Variants in AFAP1L1 observed in about 807,000 individuals in gnomAD.
AFAP1L1 encodes actin filament associated protein 1 like 1.
A neutral mutation model predicts 99.8 loss-of-function variants in AFAP1L1; 77 were observed. That is an observed-to-expected ratio of 0.77 (90% CI 0.64 to 0.93). The LOEUF (loss-of-function observed/expected upper bound fraction) is 0.93, where lower values mean the gene tolerates loss of function less well. Among genes scored for constraint, AFAP1L1 ranks in the 40% least tolerant of loss-of-function variants. AFAP1L1 has a pLI of 0.00. For synonymous variants in AFAP1L1, 373 were observed against 395.3 expected (o/e 0.94, Z 0.67); for missense variants, 893 against 996.8 (o/e 0.90, Z 1.40).
At position 149,302,479 on chromosome 5, in the gene AFAP1L1, C is replaced by G. The variant is rs745919217; in HGVS notation, c.389C>G (p.Ala130Gly). The G allele has an allele frequency of 4.4e-6, 7 of 1,596,910 alleles. No individual in the cohort carries two copies. In the Admixed American group the frequency reaches 8.7e-5, roughly 20 times the overall value. ...KPPPEDYYEEALPLGPGKSPE... is the reference protein window; with the variant it reads ...KPPPEDYYEEGLPLGPGKSPE... Reference sequence around the variant, plus strand: ...CCCCCTGAGGACTACTATGAAGAGGCCCTTCCTCTGGGACCCGGCAAGTCG... The same window carrying G: ...CCCCCTGAGGACTACTATGAAGAGGGCCTTCCTCTGGGACCCGGCAAGTCG... The change falls in exon 5 of 19, where the codon GCC becomes GGC. Residue 130 changes from alanine (A) to glycine (G), a missense_variant. Transcript: ENST00000296721.
In AFAP1L1 at chr5:149,332,880, C is replaced by A; in HGVS notation, c.2154+7C>A. The A allele has an allele frequency of 6.4e-7, 1 of 1,562,808 alleles. No individual in the cohort carries two copies. The highest frequency in any genetic ancestry group is 8.6e-7 in the Non-Finnish European group (1 of 1,157,884). ...CAGCAAGCCCAAGAGTGGGGTGAGT[C>A]CAGGCCCTTCCATGCCAGGGGCAGC... is the stretch of plus-strand genomic sequence containing the variant. On this transcript the variant is annotated splice_region_variant and intron_variant, in intron 17 of 18. Coordinates refer to ENST00000296721, the MANE Select transcript of AFAP1L1 (RefSeq NM_152406.4).
chr5:149,272,025 G>C, intron 1 of AFAP1L1, 41 bp downstream of exon 1: 2 of 1,239,962 alleles, frequency 1.6e-6, no homozygotes, highest in Non-Finnish European at 2.0e-6. Context: ...GCGGCGCCGG[G>C]CGGGAAAGGG....
intron 1 of AFAP1L1, among the ~76,000 whole-genome samples, chr5:149,286,706 G>A (rs1207365977): frequency 6.6e-6 from 1 of 152,144 alleles, no homozygotes; most frequent in Non-Finnish European, 1.5e-5. Context: ...AGTATACAGG[G>A]TGCTCCTGCT....
intron 1 of AFAP1L1, among the ~76,000 whole-genome samples, chr5:149,296,246 C>A (rs1399235952): frequency 1.3e-5 from 2 of 152,238 alleles, no homozygotes; most frequent in Non-Finnish European, 2.9e-5. Flanking sequence ...GTTGCCCAGT[C>A]TGATCTCAAA....
At chr5:149,330,417 A>G (rs1757221987) in intron 16 of AFAP1L1, among the ~76,000 whole-genome samples, 1 of 152,196 alleles carries the variant, frequency 6.6e-6, no homozygotes, top group Admixed American at 6.5e-5. Context: ...TCCTGTTTCT[A>G]TATAACATGT....
At chr5:149,309,458 A>T (rs1756541261) in intron 7 of AFAP1L1, among the ~76,000 whole-genome samples, 1 of 152,162 alleles carries the variant, frequency 6.6e-6, no homozygotes, top group African/African-American at 2.4e-5. Flanking sequence ...TTATGAGAGA[A>T]ATTAGCCTAT....
rs1311491089 is a variant in AFAP1L1 at position 149,316,242 on chromosome 5, G to C, written c.1206G>C (p.Lys402Asn). ...TCACCCGTATCATTGGCTTCTCCAA[G>C]AAGAAGACACTGGCCGATGACCTGC... ...RKITRIIGFS[K>N]KKTLADDLQT... Residue 402 changes from lysine to asparagine, a missense_variant, in exon 11 of 19, where the codon AAG becomes AAC. Coordinates refer to ENST00000296721, the MANE Select transcript of AFAP1L1 (RefSeq NM_152406.4). 1 of 1,614,096 alleles carries C rather than the reference G, an allele frequency of 6.2e-7. No individual in the cohort carries two copies. Among genetic ancestry groups the C allele is most frequent in the Non-Finnish European group, 8.5e-7 (1 of 1,180,004 alleles).
Position 149,318,538 on chromosome 5 carries a change from T to C in AFAP1L1, c.1479+598T>C, listed in dbSNP as rs187229539. Reference sequence around the variant, plus strand: ...TAATTAGGCCTATTCTGCATACTTTTGTTTTTCCAGAACTCAGCATGATGT... The same window carrying C: ...TAATTAGGCCTATTCTGCATACTTTCGTTTTTCCAGAACTCAGCATGATGT... On this transcript the variant is annotated intron_variant, in intron 12 of 18. Transcript: ENST00000296721. Among the ~76,000 whole-genome samples the C allele has an allele frequency of 1.7e-3, 262 of 152,342 alleles. 2 individuals are homozygous for C. Among genetic ancestry groups the C allele is most frequent in the African/African-American group, 6.1e-3 (254 of 41,580 alleles).
At chr5:149,272,319 G>A (rs1322985276) in intron 1 of AFAP1L1, among the ~76,000 whole-genome samples, 2 of 152,218 alleles carry the variant, frequency 1.3e-5, no homozygotes, top group African/African-American at 4.8e-5. Flanking sequence ...CTCTAAAGGG[G>A]AAAACAAGGT....
intron 5 of AFAP1L1, among the ~76,000 whole-genome samples, chr5:149,304,925 TGA>T (rs1290983949): frequency 1.3e-5 from 2 of 149,444 alleles, no homozygotes; most frequent in Non-Finnish European, 3.0e-5. Flanking sequence ...CAGTGTGCTG[TGA>T]GAGTGAGTTG....
rs768562633 is a variant in AFAP1L1 at position 149,343,487 on chromosome 5, TTAAG to T, written c.*3459_*3462del. The stretch of plus-strand genomic sequence containing the variant: ...TCTTCACTGACACTATCCAACTTAA[TTAAG>T]TCATTCAACAAATACTTGAGTACCT... On this transcript the variant is annotated 3_prime_UTR_variant, in exon 19 of 19. Transcript: ENST00000296721. Among the ~76,000 whole-genome samples the T allele has an allele frequency of 2.0e-5, 3 of 152,164 alleles. No homozygotes were observed. The highest frequency in any genetic ancestry group is 4.4e-5 in the Non-Finnish European group (3 of 68,042).
chr5:149,339,929 A>G, intron 18 of AFAP1L1, 78 bp from the exon 19 acceptor site: 1 of 1,522,748 alleles, frequency 6.6e-7, no homozygotes, highest in Non-Finnish European at 9.1e-7. Context: ...TCATCTAACT[A>G]GGTGCCGTGA....
intron 1 of AFAP1L1, among the ~76,000 whole-genome samples, chr5:149,283,197 CGTG>C (rs1322415700): frequency 6.6e-6 from 1 of 152,172 alleles, no homozygotes; most frequent in Non-Finnish European, 1.5e-5. Flanking sequence ...ATGTCATTGA[CGTG>C]GTTACCAGGT....
intron 1 of AFAP1L1, among the ~76,000 whole-genome samples, chr5:149,294,421 G>A (rs1755957087): frequency 6.6e-6 from 1 of 152,154 alleles, no homozygotes; most frequent in Non-Finnish European, 1.5e-5. Flanking sequence ...TAAAATTAAA[G>A]ATGAAGCTGT....
chr5:149,288,126 C>T (rs186476809), intron 1 of AFAP1L1, among the ~76,000 whole-genome samples: 88 of 152,326 alleles, frequency 5.8e-4, no homozygotes, highest in Admixed American at 2.8e-3. Flanking sequence ...GACATCCGAC[C>T]TGGTGAATGA....
chr5:149,313,353 AT>A (rs776856153), intron 9 of AFAP1L1, among the ~76,000 whole-genome samples: 9 of 152,194 alleles, frequency 5.9e-5, no homozygotes, highest in Non-Finnish European at 1.3e-4. Context: ...CGAGGCTAGT[AT>A]TTATAGACTG....
At chr5:149,310,502 C>T (rs1756593741) in intron 8 of AFAP1L1, among the ~76,000 whole-genome samples, 1 of 152,182 alleles carries the variant, frequency 6.6e-6, no homozygotes, top group Non-Finnish European at 1.5e-5. Flanking sequence ...AAAATCCTTC[C>T]TTGCCTTGAA....
chr5:149,317,952 G>A lies in AFAP1L1; in HGVS notation c.1479+12G>A. ...TGGCCATCTTGGAGGTGAGAGGAGAGGGTGGGACGTGGGTGGCTCTTGGTC... is the reference window on the plus strand; with the variant it reads ...TGGCCATCTTGGAGGTGAGAGGAGAAGGTGGGACGTGGGTGGCTCTTGGTC... On this transcript the variant is annotated intron_variant, in intron 12 of 18. Transcript: ENST00000296721. The A allele has an allele frequency of 6.4e-7, 1 of 1,559,190 alleles. No individual in the cohort carries two copies.
intron 1 of AFAP1L1, among the ~76,000 whole-genome samples, chr5:149,299,007 G>A (rs1208604876): frequency 6.6e-6 from 1 of 152,210 alleles, no homozygotes; most frequent in African/African-American, 2.4e-5. Flanking sequence ...GTTTGGCTGT[G>A]GCCAAGGCAC....
Sources: gnomAD v4.1 joint callset for allele counts (sites outside exome capture counted in the v4.1 genomes callset) on GRCh38, gnomAD v4.1.1 for gene constraint, MANE v1.5 for transcripts, NCBI Gene and HGNC (gene_info 2026-07-23, HGNC 2026-07-21) for gene names.